TMOD3: variants seen among roughly 807,000 people sequenced by gnomAD.
The protein encoded by TMOD3 is tropomodulin 3.
In TMOD3, 20 loss-of-function variants were observed where a neutral mutation model predicts 39.2. The observed-to-expected ratio is 0.51, with a 90% CI of 0.36 to 0.74. The LOEUF is 0.74. Among genes scored for constraint, TMOD3 ranks in the 30% least tolerant of loss-of-function variants. The probability of loss-of-function intolerance (pLI) is 0.00; values close to 1 mark genes in which losing one functional copy is unlikely to be tolerated. For missense variants in TMOD3, 381 were observed against 412.8 expected (o/e 0.92, Z 0.67); for synonymous variants, 143 against 145.8 (o/e 0.98, Z 0.14).
At chr15:51,883,535 A>C (rs2141697553) in intron 3 of TMOD3, among the ~76,000 whole-genome samples, 1 of 152,314 alleles carries the variant, frequency 6.6e-6, no homozygotes, top group Admixed American at 6.5e-5. Flanking sequence ...TGGAATAGCT[A>C]AATTAAATTT....
At chr15:51,891,260 T>TC (rs397961529) in intron 5 of TMOD3, among the ~76,000 whole-genome samples, 4,279 of 150,778 alleles carry the variant, frequency 0.028, 92 homozygotes, top group Non-Finnish European at 0.047. Flanking sequence ...TTTTTTTTTT[T>TC]CTGTGCCATT....
Position 51,829,830 on chromosome 15 carries a change from C to T in TMOD3, c.-81C>T, listed in dbSNP as rs2056244393. On this transcript the variant is annotated 5_prime_UTR_variant, in exon 1 of 10. Transcript: ENST00000308580. ...AGAGGTCGGCGGCCCCTGCGGGCGC[C>T]AGTCAGGTAAGCCCAGCCCGGTGCT... 1 of 152,290 alleles carries T rather than the reference C, an allele frequency of 6.6e-6. No homozygotes were observed. The allele number at this position is 152,290 out of a possible 1,614,324, so 9.4% of individuals were successfully genotyped here.
chr15:51,892,751 C>T (rs1377859109), intron 5 of TMOD3, among the ~76,000 whole-genome samples: 2 of 152,070 alleles, frequency 1.3e-5, no homozygotes, highest in Non-Finnish European at 2.9e-5. Flanking sequence ...GCCTTTATGC[C>T]AATTATCAGT....
At chr15:51,879,889 C>CACACACACACACACGAA (rs1555387141) in intron 3 of TMOD3, among the ~76,000 whole-genome samples, 9 of 150,884 alleles carry the variant, frequency 6.0e-5, no homozygotes, top group Non-Finnish European at 1.2e-4. Flanking sequence ...CACACACACA[C>CACACACACACACACGAA]GAAGAAGAAA....
intron 3 of TMOD3, among the ~76,000 whole-genome samples, chr15:51,878,093 AG>A (rs1186405934): frequency 6.6e-6 from 1 of 152,250 alleles, no homozygotes; most frequent in Non-Finnish European, 1.5e-5. Context: ...AGCATTCACC[AG>A]GCTCTGCCTG....
chr15:51,882,511 C>A (rs947232503), intron 3 of TMOD3, among the ~76,000 whole-genome samples: 11 of 151,952 alleles, frequency 7.2e-5, no homozygotes, highest in Admixed American at 6.6e-5. Context: ...AAGAAAAAAA[C>A]CAAAAACAAA....
chr15:51,872,101 A>G (rs1218164482), intron 3 of TMOD3, among the ~76,000 whole-genome samples: 1 of 152,218 alleles, frequency 6.6e-6, no homozygotes, highest in Admixed American at 6.5e-5. Flanking sequence ...TCAGGTAACG[A>G]TAACATCAGC....
At chr15:51,867,331 A>T (rs1363618077) in intron 2 of TMOD3, among the ~76,000 whole-genome samples, 1 of 152,210 alleles carries the variant, frequency 6.6e-6, no homozygotes, top group African/African-American at 2.4e-5. Flanking sequence ...TTGGAAATGG[A>T]TTCTTCATGT....
chr15:51,836,327 G>A (rs2056283229), intron 1 of TMOD3, among the ~76,000 whole-genome samples: 1 of 151,866 alleles, frequency 6.6e-6, no homozygotes, highest in African/African-American at 2.4e-5. Flanking sequence ...CCCCCACCCA[G>A]CCCTAGGCAA....
chr15:51,857,678 C>T (rs2056395000), intron 1 of TMOD3, among the ~76,000 whole-genome samples: 1 of 151,650 alleles, frequency 6.6e-6, no homozygotes, highest in Non-Finnish European at 1.5e-5. Flanking sequence ...TTAAAATATT[C>T]ATTGAGAAAA....
chr15:51,845,042 TTTAC>T (rs1172859907), intron 1 of TMOD3, among the ~76,000 whole-genome samples: 1 of 152,254 alleles, frequency 6.6e-6, no homozygotes, highest in African/African-American at 2.4e-5. Context: ...ATTTTTCCTT[TTTAC>T]TTATACATTG....
chr15:51,896,330 A>T, intron 6 of TMOD3, 89 bp from the exon 7 acceptor site: 1 of 905,054 alleles, frequency 1.1e-6, no homozygotes, highest in Non-Finnish European at 1.7e-6. Flanking sequence ...AATACATTTT[A>T]AAGCAAAAAA....
intron 3 of TMOD3, among the ~76,000 whole-genome samples, chr15:51,871,729 A>G (rs1370332139): frequency 1.3e-5 from 2 of 152,188 alleles, no homozygotes; most frequent in African/African-American, 2.4e-5. Context: ...GGTGAGGAAT[A>G]TGGGTGACAT....
At chr15:51,864,868 TGTGCTCCGGGGGA>T (rs1434041216) in intron 2 of TMOD3, among the ~76,000 whole-genome samples, 1 of 152,014 alleles carries the variant, frequency 6.6e-6, no homozygotes, top group Non-Finnish European at 1.5e-5. Flanking sequence ...GTATGAAAGG[TGTGCTCCGGGGGA>T]GGTTGGTGGG....
At chr15:51,856,471 G>T (rs1300756921) in intron 1 of TMOD3, among the ~76,000 whole-genome samples, 1 of 151,732 alleles carries the variant, frequency 6.6e-6, no homozygotes, top group Non-Finnish European at 1.5e-5. Flanking sequence ...CCTAGCTAAA[G>T]AAGTAAACTT....
intron 3 of TMOD3, among the ~76,000 whole-genome samples, chr15:51,872,186 G>A (rs746274303): frequency 6.6e-6 from 1 of 152,192 alleles, no homozygotes; most frequent in Non-Finnish European, 1.5e-5. Flanking sequence ...CTTGAGGTCA[G>A]GAGCTCGAGA....
chr15:51,892,224 T>C (rs1487145257), intron 5 of TMOD3: 1 of 152,204 alleles, frequency 6.6e-6, no homozygotes, highest in African/African-American at 2.4e-5. Context: ...TTGAACCCGG[T>C]CAGTCTTTCC....
chr15:51,882,325 G>A (rs1039003944), intron 3 of TMOD3, among the ~76,000 whole-genome samples: 4 of 151,788 alleles, frequency 2.6e-5, no homozygotes, highest in Non-Finnish European at 5.9e-5. Flanking sequence ...GATCACTTGA[G>A]GTCAGGAGTT....
intron 1 of TMOD3, chr15:51,859,192 G>C: frequency 4.1e-6 from 3 of 728,298 alleles, no homozygotes; most frequent in Non-Finnish European, 2.6e-6. Flanking sequence ...CTTCACAAAC[G>C]GCCAGTCTGA....
Sources: allele counts gnomAD v4.1 joint callset (sites outside exome capture counted in the v4.1 genomes callset), GRCh38; gene constraint gnomAD v4.1.1; transcripts MANE v1.5; gene names NCBI Gene and HGNC (gene_info 2026-07-23, HGNC 2026-07-21).